ZNF486: variants seen among roughly 807,000 people sequenced by gnomAD.
ZNF486 encodes KRAB box only protein 2.
ZNF486 carries 12 observed loss-of-function variants against 12.8 expected under a neutral mutation model. The observed-to-expected ratio is 0.94, with a 90% CI of 0.60 to 1.52. The LOEUF is 1.52. ZNF486 is among the 40% of genes most tolerant of loss of function. The pLI, the probability that ZNF486 is intolerant of heterozygous loss-of-function variation, is 0.00. For synonymous variants in ZNF486, 231 were observed against 184.9 expected (o/e 1.25, Z -2.02); for missense variants, 738 against 545.0 (o/e 1.35, Z -3.53).
intron 3 of ZNF486, among the ~76,000 whole-genome samples, chr19:20,193,553 C>T (rs2089923566): frequency 6.6e-6 from 1 of 152,004 alleles, no homozygotes; most frequent in Non-Finnish European, 1.5e-5. Context: ...CCCAGCTCCT[C>T]AGGAGGCTGA....
At chr19:20,193,952 TA>T (rs1376307565) in intron 3 of ZNF486, among the ~76,000 whole-genome samples, 1 of 152,218 alleles carries the variant, frequency 6.6e-6, no homozygotes, top group African/African-American at 2.4e-5. Context: ...GTAAAAAAAT[TA>T]ACTTCAGTTA....
chr19:20,199,089 G>T lies in ZNF486; in HGVS notation c.*987G>T, dbSNP rs1423732114. On this transcript the variant is annotated 3_prime_UTR_variant, in exon 4 of 4. Coordinates refer to ENST00000335117, the MANE Select transcript of ZNF486 (RefSeq NM_052852.4). Reference sequence around the variant, plus strand: ...TCAGTGCTTACACCGTATTTCACAGGAAAGCTATTATCCTTGAGAAAAATT... The same window carrying T: ...TCAGTGCTTACACCGTATTTCACAGTAAAGCTATTATCCTTGAGAAAAATT... 1 of 152,136 alleles carries T rather than the reference G, an allele frequency of 6.6e-6. No individual in the cohort carries two copies. Among genetic ancestry groups the T allele is most frequent in the African/African-American group, 2.4e-5 (1 of 41,434 alleles). 9.4% of individuals were successfully genotyped at this position (152,136 alleles called of 1,614,324 possible). A position where few individuals can be genotyped will look rare whatever the true frequency, so the allele number is the denominator to read the frequency against.
At chr19:20,168,846 AAAT>A (rs1415222865) in intron 1 of ZNF486, among the ~76,000 whole-genome samples, 1 of 151,850 alleles carries the variant, frequency 6.6e-6, no homozygotes, top group Admixed American at 6.6e-5. Flanking sequence ...GGGTTAAAAA[AAAT>A]TTTTTTTTTT....
At chr19:20,196,476 C>A (rs1183057988) in intron 3 of ZNF486, among the ~76,000 whole-genome samples, 2 of 152,082 alleles carry the variant, frequency 1.3e-5, no homozygotes, top group Admixed American at 1.3e-4. Context: ...TTACAGCGGC[C>A]CATGACCATG....
intron 1 of ZNF486, among the ~76,000 whole-genome samples, chr19:20,181,495 C>T (rs1019277366): frequency 1.3e-5 from 2 of 149,694 alleles, no homozygotes; most frequent in South Asian, 2.1e-4. Flanking sequence ...GCCCAGATCG[C>T]GCCACTGCAC....
intron 3 of ZNF486, chr19:20,188,645 TC>T: frequency 5.1e-6 from 2 of 394,158 alleles, no homozygotes; most frequent in Non-Finnish European, 8.9e-6. Flanking sequence ...AGACCCTGTC[TC>T]CAAAAAACAA....
chr19:20,183,209 TGAACATG>T (rs1555715833), intron 1 of ZNF486, among the ~76,000 whole-genome samples: 1 of 152,230 alleles, frequency 6.6e-6, no homozygotes, highest in Non-Finnish European at 1.5e-5. Flanking sequence ...TTGTGGCTGT[TGAACATG>T]GAAAGATGTG....
At chr19:20,188,854 G>C (rs1445748661) in intron 3 of ZNF486, 2 of 165,590 alleles carry the variant, frequency 1.2e-5, no homozygotes, top group East Asian at 3.3e-4. Context: ...CCATAATTTT[G>C]TTACTGGATT....
intron 3 of ZNF486, among the ~76,000 whole-genome samples, chr19:20,190,940 C>T (rs1188005212): frequency 1.3e-5 from 2 of 152,156 alleles, no homozygotes; most frequent in Admixed American, 6.5e-5. Context: ...CGGCATGGTA[C>T]ATCCTCTTGG....
chr19:20,179,899 T>A (rs1307441902), intron 1 of ZNF486, among the ~76,000 whole-genome samples: 5 of 152,222 alleles, frequency 3.3e-5, no homozygotes, highest in African/African-American at 1.2e-4. Context: ...ATCCAGAGCC[T>A]TGATCACAAC....
intron 1 of ZNF486, among the ~76,000 whole-genome samples, chr19:20,178,030 T>C (rs1162303969): frequency 6.6e-6 from 1 of 151,094 alleles, no homozygotes; most frequent in Non-Finnish European, 1.5e-5. Context: ...TTCAAGAGAT[T>C]CTCCTGCCTC....
intron 2 of ZNF486, 120 bp from the exon 3 acceptor site, chr19:20,185,867 A>G: frequency 2.0e-6 from 1 of 511,512 alleles, no homozygotes; most frequent in Non-Finnish European, 3.1e-6. Flanking sequence ...TTTGTTATGA[A>G]TTAGTATTTT....
intron 1 of ZNF486, among the ~76,000 whole-genome samples, chr19:20,180,150 A>G (rs782804295): frequency 1.3e-5 from 2 of 152,228 alleles, no homozygotes; most frequent in South Asian, 4.1e-4. Context: ...TGTCCAGAGC[A>G]GAATTGTGTT....
intron 1 of ZNF486, among the ~76,000 whole-genome samples, chr19:20,172,386 A>G (rs1555714016): frequency 1.3e-5 from 2 of 151,534 alleles, no homozygotes; most frequent in East Asian, 1.9e-4. Flanking sequence ...ACCAACTGCA[A>G]CCTTCACCTT....
chr19:20,182,001 T>C (rs1031809609), intron 1 of ZNF486, among the ~76,000 whole-genome samples: 10 of 152,186 alleles, frequency 6.6e-5, no homozygotes, highest in African/African-American at 2.4e-4. Context: ...GTACATGTTG[T>C]TTTTTAAATA....
intron 3 of ZNF486, among the ~76,000 whole-genome samples, chr19:20,187,288 G>A (rs1282476344): frequency 3.3e-5 from 5 of 151,864 alleles, no homozygotes; most frequent in Non-Finnish European, 7.4e-5. Context: ...AGGTTTTAAT[G>A]TACTATTTAT....
rs2089660185 is a variant in ZNF486 at position 20,172,559 on chromosome 19, A to G, written c.30+5199A>G. Among the ~76,000 whole-genome samples the G allele has an allele frequency of 2.0e-5, 3 of 152,024 alleles. No homozygotes were observed. In the South Asian group the frequency reaches 6.2e-4, roughly 32 times the overall value. ...AGTGTTCTGCCTGCCTTGGCTTTCC[A>G]AAGTGCTGGGATTACATGCATGAGC... On this transcript the variant is annotated intron_variant, in intron 1 of 3. Transcript: ENST00000335117.
intron 1 of ZNF486, chr19:20,176,310 CG>C: frequency 5.8e-6 from 1 of 173,540 alleles, no homozygotes; most frequent in Non-Finnish European, 1.1e-5. Flanking sequence ...GATGGGATGG[CG>C]GCCGGGCAGA....
At chr19:20,172,178 CT>C (rs1487050310) in intron 1 of ZNF486, among the ~76,000 whole-genome samples, 1 of 151,036 alleles carries the variant, frequency 6.6e-6, no homozygotes, top group Admixed American at 6.6e-5. Flanking sequence ...TAATTTTGTA[CT>C]TTTAGTAGAG....
Sources: gnomAD v4.1 joint callset for allele counts (sites outside exome capture counted in the v4.1 genomes callset) on GRCh38, gnomAD v4.1.1 for gene constraint, MANE v1.5 for transcripts, NCBI Gene and HGNC (gene_info 2026-07-23, HGNC 2026-07-21) for gene names.